The following SBF2 variants were observed in gnomAD, a reference collection of about 807,000 sequenced individuals.
SBF2 encodes myotubularin-related protein 13.
A neutral mutation model predicts 225.2 loss-of-function variants in SBF2; 112 were observed. The ratio of observed to expected loss-of-function variants is 0.50; its 90% CI spans 0.43 to 0.58. SBF2 has a LOEUF of 0.58. Ranked by LOEUF, SBF2 falls within the 20% of genes least tolerant of loss-of-function variation. The pLI, the probability that SBF2 is intolerant of heterozygous loss-of-function variation, is 0.00. For missense variants in SBF2, 1,996 were observed against 2,206.2 expected, an observed-to-expected ratio of 0.90 and a Z score of 1.91; for synonymous variants, 763 against 773.3, an observed-to-expected ratio of 0.99 and a Z score of 0.22.
intron 22 of SBF2, among the ~76,000 whole-genome samples, chr11:9,848,156 T>C (rs1366340672): frequency 6.6e-6 from 1 of 152,172 alleles, no homozygotes; most frequent in Non-Finnish European, 1.5e-5. Context: ...TCTTCATTTA[T>C]TATAATCAGA....
In SBF2 at chr11:9,968,411, A is replaced by G; in HGVS notation, c.1530T>C (p.Ala510=). The G allele has an allele frequency of 6.2e-7, 1 of 1,614,152 alleles. No homozygotes were observed. The highest frequency in any genetic ancestry group is 8.5e-7 in the Non-Finnish European group (1 of 1,180,032). ...RVQELIQENV[A]KNQNAPPATR... ...TGGCAGGAGGTGCATTCTGGTTCTT[A>G]GCAACATTTTCCTGTATTAATTCCT... The change falls in exon 14 of 40, where the codon GCT becomes GCC. Residue 510 remains alanine, a synonymous_variant. Coordinates refer to ENST00000256190, the MANE Select transcript of SBF2 (RefSeq NM_030962.4).
chr11:10,190,122 G>C (rs925131399), intron 2 of SBF2, among the ~76,000 whole-genome samples: 1 of 146,904 alleles, frequency 6.8e-6, no homozygotes, highest in Non-Finnish European at 1.5e-5. Flanking sequence ...CTGCACTCCA[G>C]CCTGGGCAAC....
chr11:10,088,370 C>T (rs916121903), intron 2 of SBF2, among the ~76,000 whole-genome samples: 5 of 152,054 alleles, frequency 3.3e-5, no homozygotes, highest in Non-Finnish European at 5.9e-5. Context: ...TGTGGCCATT[C>T]CACAGAAAAG....
chr11:10,039,667 A>G (rs1263885929), intron 3 of SBF2, among the ~76,000 whole-genome samples: 1 of 152,038 alleles, frequency 6.6e-6, no homozygotes, highest in Non-Finnish European at 1.5e-5. Context: ...AAACTATACA[A>G]GAACCCAGAT....
chr11:10,088,440 C>A (rs1270128173), intron 2 of SBF2, among the ~76,000 whole-genome samples: 3 of 152,166 alleles, frequency 2.0e-5, no homozygotes, highest in Non-Finnish European at 4.4e-5. Flanking sequence ...TATAAAGGAA[C>A]ACCTGAGGGT....
Position 9,963,870 on chromosome 11 carries a change from T to G in SBF2, c.1613A>C (p.Asp538Ala). 1 of 1,589,698 alleles carries G rather than the reference T, an allele frequency of 6.3e-7. No homozygotes were observed. Among genetic ancestry groups the G allele is most frequent in the Non-Finnish European group, 8.6e-7 (1 of 1,158,438 alleles). ...ACTGTTGAAAACTGTCGTCACCTTGTCCATTATCGAAACTAGTAAAAGAAT... is the reference window on the plus strand; with the variant it reads ...ACTGTTGAAAACTGTCGTCACCTTGGCCATTATCGAAACTAGTAAAAGAAT... ...PAGPPVVSIM[D>A]KVTTVFNSAQ... Residue 538 changes from aspartate (D) to alanine (A), a missense_variant, in exon 15 of 40, where the codon GAC (aspartate) becomes GCC (alanine). By Grantham distance (126) the Asp-to-Ala change is moderately radical. Transcript: ENST00000256190.
At chr11:10,111,216 G>T (rs894989256) in intron 2 of SBF2, among the ~76,000 whole-genome samples, 2 of 152,124 alleles carry the variant, frequency 1.3e-5, no homozygotes, top group African/African-American at 2.4e-5. Context: ...TGATTTCACA[G>T]AAATACTTCA....
intron 1 of SBF2, among the ~76,000 whole-genome samples, chr11:10,195,833 T>A (rs1957337623): frequency 6.6e-6 from 1 of 152,202 alleles, no homozygotes; most frequent in South Asian, 2.1e-4. Flanking sequence ...CTTATCTATC[T>A]CTTGTTATAG....
chr11:9,784,905 A>G (rs902467263), intron 37 of SBF2: 2 of 588,062 alleles, frequency 3.4e-6, no homozygotes, highest in Non-Finnish European at 6.1e-6. Flanking sequence ...ATCAGGACTC[A>G]ACTACAAATA....
intron 2 of SBF2, among the ~76,000 whole-genome samples, chr11:10,057,726 C>T (rs1413021407): frequency 2.0e-5 from 3 of 152,130 alleles, no homozygotes; most frequent in Admixed American, 6.5e-5. Context: ...TCATGAACTA[C>T]AGCCAGTACT....
At chr11:10,237,672 T>C (rs559308280) in intron 1 of SBF2, among the ~76,000 whole-genome samples, 12 of 152,332 alleles carry the variant, frequency 7.9e-5, no homozygotes, top group East Asian at 7.7e-4. Flanking sequence ...GACGTGTATA[T>C]ACACTGGTGA....
intron 2 of SBF2, among the ~76,000 whole-genome samples, chr11:10,189,095 T>C (rs1957060574): frequency 6.6e-6 from 1 of 152,210 alleles, no homozygotes; most frequent in African/African-American, 2.4e-5. Context: ...CTACCATACA[T>C]ACCTTTTATA....
At chr11:10,072,721 CT>C (rs760663007) in intron 2 of SBF2, among the ~76,000 whole-genome samples, 117 of 130,682 alleles carry the variant, frequency 9.0e-4, no homozygotes, top group African/African-American at 2.1e-3. Context: ...CCAGTGGAAT[CT>C]TTTTTTTTTT....
At chr11:10,059,377 A>C in intron 2 of SBF2, among the ~76,000 whole-genome samples, 1 of 152,264 alleles carries the variant, frequency 6.6e-6, no homozygotes, top group East Asian at 1.9e-4. Flanking sequence ...AGATAGAAAA[A>C]GTTTCAAACC....
chr11:10,004,587 A>AAAAAC (rs1590732917), intron 6 of SBF2, among the ~76,000 whole-genome samples: 1 of 148,428 alleles, frequency 6.7e-6, no homozygotes, highest in East Asian at 2.0e-4. Context: ...AAAAAAAAAA[A>AAAAAC]AAAAAAAACA....
At chr11:9,971,627 T>G (rs912844022) in intron 13 of SBF2, among the ~76,000 whole-genome samples, 1 of 152,082 alleles carries the variant, frequency 6.6e-6, no homozygotes, top group African/African-American at 2.4e-5. Flanking sequence ...TGTGGTGAGC[T>G]GTGATTGCAC....
rs1418616143 is a variant in SBF2 at position 9,916,604 on chromosome 11, TTTC to T, written c.1861-20596_1861-20594del. ...CATCTTTTTCTTTCTTTTCCTTTTT[TTTC>T]TTTTTTTTGAGACAGGGTCTTGCTC... On this transcript the variant is annotated intron_variant, in intron 16 of 39. Coordinates refer to ENST00000256190, the MANE Select transcript of SBF2 (RefSeq NM_030962.4). Among the ~76,000 whole-genome samples, 86 of 149,630 alleles carry T rather than the reference TTTC, an allele frequency of 5.7e-4. 1 individual carries two copies. Among genetic ancestry groups the T allele is most frequent in the African/African-American group, 1.8e-3 (74 of 40,990 alleles).
At chr11:10,187,984 A>G (rs1041492962) in intron 2 of SBF2, among the ~76,000 whole-genome samples, 1 of 152,204 alleles carries the variant, frequency 6.6e-6, no homozygotes, top group Non-Finnish European at 1.5e-5. Context: ...TAAAATATTA[A>G]CAGATGATCA....
At chr11:10,077,698 T>G (rs1310323889) in intron 2 of SBF2, among the ~76,000 whole-genome samples, 1 of 152,152 alleles carries the variant, frequency 6.6e-6, no homozygotes, top group African/African-American at 2.4e-5. Flanking sequence ...GAAGAAAACG[T>G]AGGCAATACC....
Sources: allele counts gnomAD v4.1 joint callset (sites outside exome capture counted in the v4.1 genomes callset), GRCh38; gene constraint gnomAD v4.1.1; transcripts MANE v1.5; gene names NCBI Gene and HGNC (gene_info 2026-07-23, HGNC 2026-07-21).